NINL: variants seen among roughly 807,000 people sequenced by gnomAD.
NINL encodes ninein like, also known as ninein-like protein.
Under a neutral mutation model 160.3 loss-of-function variants are expected in NINL, and 153 were observed. The observed-to-expected ratio is 0.95, with a 90% CI of 0.84 to 1.09. The LOEUF is 1.09. NINL is among the 50% of genes least tolerant of loss of function. The probability of loss-of-function intolerance (pLI) is 0.00; values close to 1 mark genes in which losing one functional copy is unlikely to be tolerated. For missense variants in NINL, 1,829 were observed against 1,764.0 expected (o/e 1.04, Z -0.66); for synonymous variants, 800 against 734.8 (o/e 1.09, Z -1.43).
intron 1 of NINL, among the ~76,000 whole-genome samples, chr20:25,561,634 CT>C (rs1006538379): frequency 3.3e-5 from 5 of 151,766 alleles, no homozygotes; most frequent in Non-Finnish European, 7.4e-5. Flanking sequence ...TGAGGAGCGT[CT>C]CTGCCCAGCC....
intron 1 of NINL, among the ~76,000 whole-genome samples, chr20:25,552,428 G>T (rs1482854432): frequency 7.9e-5 from 12 of 152,134 alleles, no homozygotes; most frequent in Admixed American, 7.2e-4. Context: ...TTCTAAAAGA[G>T]CTGTGAAAGA....
At chr20:25,582,832 T>C (rs1025431456) in intron 1 of NINL, among the ~76,000 whole-genome samples, 2 of 152,198 alleles carry the variant, frequency 1.3e-5, no homozygotes, top group African/African-American at 4.8e-5. Context: ...AACTCTGCTT[T>C]CTACAACTAT....
chr20:25,460,073 G>A (rs1043125667), intron 21 of NINL, among the ~76,000 whole-genome samples: 1 of 151,984 alleles, frequency 6.6e-6, no homozygotes, highest in African/African-American at 2.4e-5. Context: ...GAGACCCTCC[G>A]CCCTCTGAGC....
Position 25,464,564 on chromosome 20 carries a change from T to C in NINL, c.3424-2023A>G, listed in dbSNP as rs562166734. ...CTCCTAGCCGACAACACTCCCCCAA[T>C]CTGCTTTGCCCCCTACACACACAGG... On this transcript the variant is annotated intron_variant, in intron 19 of 23. Coordinates refer to ENST00000278886, the MANE Select transcript of NINL (RefSeq NM_025176.6). Among the ~76,000 whole-genome samples the C allele has an allele frequency of 9.1e-4, 138 of 152,234 alleles. 4 individuals are homozygous for C. The South Asian group carries it at 0.028, about 31-fold the overall frequency.
At chr20:25,581,298 G>C (rs1264312627) in intron 1 of NINL, among the ~76,000 whole-genome samples, 1 of 152,120 alleles carries the variant, frequency 6.6e-6, no homozygotes, top group Admixed American at 6.5e-5. Flanking sequence ...ACAAAAATTA[G>C]CTGAGCGTGG....
At chr20:25,509,504 C>T (rs959372316) in intron 5 of NINL, among the ~76,000 whole-genome samples, 3 of 152,200 alleles carry the variant, frequency 2.0e-5, no homozygotes, top group African/African-American at 7.2e-5. Context: ...AGCTCTTGTT[C>T]CCAAGCTCGG....
intron 20 of NINL, 71 bp downstream of exon 20, chr20:25,462,312 C>G: frequency 6.8e-7 from 1 of 1,480,514 alleles, no homozygotes; most frequent in African/African-American, 1.4e-5. Flanking sequence ...GTGTCCTGAC[C>G]TATTTGCAGC....
rs750514718 is a variant in NINL, at chr20:25,455,696, T to G, written c.3934A>C (p.Lys1312Gln). Reference protein sequence around the residue: ...LKNMEMLLQEKVDKLKEQFEK... With the variant: ...LKNMEMLLQEQVDKLKEQFEK... ...ACCTGCTCCTTCAGCTTATCCACTT[T>G]CTCTTGGAGGAGCATTTCCATATTC... The change falls in exon 23 of 24, where the codon AAA (lysine) becomes CAA (glutamine). Residue 1312 changes from lysine to glutamine, a missense_variant. Physicochemically the swap from Lys to Gln is moderately conservative, Grantham distance 53. Transcript: ENST00000278886. The G allele has an allele frequency of 6.2e-7, 1 of 1,613,998 alleles. No individual in the cohort carries two copies.
At chr20:25,526,315 T>C in intron 2 of NINL, 93 bp downstream of exon 2, 1 of 1,168,938 alleles carries the variant, frequency 8.6e-7, no homozygotes, top group Non-Finnish European at 1.2e-6. Flanking sequence ...CTTTGACACT[T>C]GAATCCTTAT....
chr20:25,487,296 C>T (rs973452472), intron 13 of NINL, among the ~76,000 whole-genome samples: 3 of 152,030 alleles, frequency 2.0e-5, no homozygotes, highest in Admixed American at 6.5e-5. Flanking sequence ...GTTTTTTTCT[C>T]ATTTTTGCTG....
intron 1 of NINL, among the ~76,000 whole-genome samples, chr20:25,577,088 C>T (rs765115023): frequency 8.5e-5 from 13 of 152,202 alleles, no homozygotes; most frequent in Admixed American, 2.6e-4. Context: ...TGGGCATCCA[C>T]GTTTCTGTCC....
chr20:25,564,325 T>C, intron 1 of NINL, among the ~76,000 whole-genome samples: 1 of 152,024 alleles, frequency 6.6e-6, no homozygotes, highest in East Asian at 1.9e-4. Flanking sequence ...AATTAACTTT[T>C]TGTTTTTTTG....
At chr20:25,532,251 G>A (rs1016200240) in intron 1 of NINL, among the ~76,000 whole-genome samples, 3 of 152,182 alleles carry the variant, frequency 2.0e-5, no homozygotes, top group Admixed American at 6.5e-5. Flanking sequence ...CAGCCACACC[G>A]CTTCCCTTCC....
intron 5 of NINL, among the ~76,000 whole-genome samples, chr20:25,508,282 C>T (rs1191658058): frequency 3.9e-5 from 6 of 152,260 alleles, no homozygotes; most frequent in African/African-American, 1.4e-4. Context: ...GCCCTCTATC[C>T]AAGCTATGTT....
At position 25,487,421 on chromosome 20, in the gene NINL, C is replaced by T. The variant is rs568550489; in HGVS notation, c.1677+1823G>A. ...TTCCATGCCTAAAATCATCCACTTCCATGTTATTTTCAAGCCTATACAGGG... is the reference window on the plus strand; with the variant it reads ...TTCCATGCCTAAAATCATCCACTTCTATGTTATTTTCAAGCCTATACAGGG... On this transcript the variant is annotated intron_variant, in intron 13 of 23. Transcript: ENST00000278886. 5.9e-5 allele frequency among the ~76,000 whole-genome samples: 9 copies of T among 152,224 alleles called. No homozygotes were observed. In the South Asian group the frequency reaches 1.5e-3, roughly 25 times the overall value.
At chr20:25,515,951 T>C (rs1029346893) in intron 3 of NINL, among the ~76,000 whole-genome samples, 5 of 152,038 alleles carry the variant, frequency 3.3e-5, no homozygotes, top group African/African-American at 1.2e-4. Context: ...TTTTGTATTT[T>C]TTTTTAGTAG....
rs549665935 is a variant in NINL at position 25,488,932 on chromosome 20, C to T, written c.1677+312G>A. The T allele has an allele frequency of 2.3e-5, 8 of 349,768 alleles. No homozygotes were observed. In the East Asian group the frequency reaches 2.8e-4, roughly 12 times the overall value. The allele number at this position is 349,768 out of a possible 1,614,324, so 21.7% of individuals were successfully genotyped here. On this transcript the variant is annotated intron_variant, in intron 13 of 23. Coordinates refer to ENST00000278886, the MANE Select transcript of NINL (RefSeq NM_025176.6). Reference sequence around the variant, plus strand: ...TAAGTTTCATTCACTGCGTCCACTGCGCCCTGCACTCCTATGTCTCCAACT... The same window carrying T: ...TAAGTTTCATTCACTGCGTCCACTGTGCCCTGCACTCCTATGTCTCCAACT...
At chr20:25,544,650 T>A (rs1429409697) in intron 1 of NINL, among the ~76,000 whole-genome samples, 2 of 151,988 alleles carry the variant, frequency 1.3e-5, no homozygotes, top group East Asian at 3.9e-4. Context: ...AACACTGGAG[T>A]CTGTATTTTT....
At chr20:25,481,475 C>T (rs1226151787) in intron 14 of NINL, among the ~76,000 whole-genome samples, 1 of 152,112 alleles carries the variant, frequency 6.6e-6, no homozygotes, top group African/African-American at 2.4e-5. Context: ...CCATTGGCTG[C>T]GAGCACAGGG....
Sources: allele counts gnomAD v4.1 joint callset (sites outside exome capture counted in the v4.1 genomes callset), GRCh38; gene constraint gnomAD v4.1.1; transcripts MANE v1.5; gene names NCBI Gene and HGNC (gene_info 2026-07-23, HGNC 2026-07-21).